The following CFAP251 variants were observed in gnomAD, a reference collection of about 807,000 sequenced individuals.
CFAP251 encodes cilia and flagella associated protein 251, also known as cilia- and flagella-associated protein 251.
In CFAP251, 93 loss-of-function variants were observed where a neutral mutation model predicts 126.7. That is an observed-to-expected ratio of 0.73 (90% CI 0.62 to 0.87). The LOEUF (loss-of-function observed/expected upper bound fraction) is 0.87, where lower values mean the gene tolerates loss of function less well. CFAP251 is among the 40% of genes least tolerant of loss of function. The probability of loss-of-function intolerance (pLI) is 0.00; values close to 1 mark genes in which losing one functional copy is unlikely to be tolerated. For missense variants in CFAP251, 1,287 were observed against 1,389.2 expected, an observed-to-expected ratio of 0.93 and a Z score of 1.17; for synonymous variants, 503 against 506.9, an observed-to-expected ratio of 0.99 and a Z score of 0.10.
At chr12:121,947,111 T>G (rs1241311295) in intron 7 of CFAP251, among the ~76,000 whole-genome samples, 2 of 152,116 alleles carry the variant, frequency 1.3e-5, no homozygotes, top group Non-Finnish European at 2.9e-5. Context: ...CCCACTGGTC[T>G]TTTATTTTCT....
intron 19 of CFAP251, among the ~76,000 whole-genome samples, chr12:121,993,759 C>G (rs1306395117): frequency 6.7e-6 from 1 of 150,092 alleles, no homozygotes; most frequent in Non-Finnish European, 1.5e-5. Flanking sequence ...AGTGAGGAGC[C>G]CCTCTGCCCG....
chr12:121,985,554 A>AT (rs1565922809), intron 19 of CFAP251, among the ~76,000 whole-genome samples: 1 of 148,156 alleles, frequency 6.7e-6, no homozygotes, highest in African/African-American at 2.5e-5. Context: ...AAAAAAAAAA[A>AT]GGGAGTGTAT....
intron 19 of CFAP251, among the ~76,000 whole-genome samples, chr12:121,988,140 AT>A (rs1882794400): frequency 6.6e-6 from 1 of 152,024 alleles, no homozygotes; most frequent in Non-Finnish European, 1.5e-5. Context: ...TATTTCAAAA[AT>A]ATTAAATTAA....
In CFAP251 at chr12:121,960,703, T is replaced by A. The variant is rs769197423; in HGVS notation, c.2252T>A (p.Val751Asp). The A allele has an allele frequency of 4.0e-5, 64 of 1,613,780 alleles. No individual in the cohort carries two copies. The highest frequency in any genetic ancestry group is 5.3e-5 in the Non-Finnish European group (63 of 1,179,908). ...AGCATTCGAAGTCTCCTGTTTGGGGTTTACCTGGACAGCAATGAGCCTAGA... is the reference window on the plus strand; with the variant it reads ...AGCATTCGAAGTCTCCTGTTTGGGGATTACCTGGACAGCAATGAGCCTAGA... ...RKSIRSLLFG[V>D]YLDSNEPRLL... Residue 751 changes from valine to aspartate, a missense_variant, in exon 14 of 22, where the codon GTT becomes GAT. Coordinates refer to ENST00000288912, the MANE Select transcript of CFAP251 (RefSeq NM_144668.6).
Position 121,923,800 on chromosome 12 carries a change from C to A in CFAP251, c.557C>A (p.Thr186Asn). Reference sequence around the variant, plus strand: ...CCCTCAGGAGAGCTTGAGGAGAAAACCGACCGGATGCCCCAAGATGAACTG... The same window carrying A: ...CCCTCAGGAGAGCTTGAGGAGAAAAACGACCGGATGCCCCAAGATGAACTG... The part of the protein sequence containing the change: ...RQPSGELEEK[T>N]DRMPQDELGQ... The change falls in exon 3 of 22, where the codon ACC (threonine) becomes AAC (asparagine). Residue 186 changes from threonine to asparagine, a missense_variant. Coordinates refer to ENST00000288912, the MANE Select transcript of CFAP251 (RefSeq NM_144668.6). 3 of 1,614,040 alleles carry A rather than the reference C, an allele frequency of 1.9e-6. No individual in the cohort carries two copies. Among genetic ancestry groups the A allele is most frequent in the Non-Finnish European group, 2.5e-6 (3 of 1,180,026 alleles).
intron 19 of CFAP251, among the ~76,000 whole-genome samples, chr12:121,996,003 A>T (rs1883014315): frequency 6.6e-6 from 1 of 152,136 alleles, no homozygotes; most frequent in South Asian, 2.1e-4. Context: ...AGAGATTTTT[A>T]TTTTTTTCTT....
chr12:121,923,638 G>A lies in CFAP251; in HGVS notation c.395G>A (p.Ser132Asn). 2 of 1,607,214 alleles carry A rather than the reference G, an allele frequency of 1.2e-6. No individual in the cohort carries two copies. The highest frequency in any genetic ancestry group is 1.7e-6 in the Non-Finnish European group (2 of 1,177,772). ...SGIFPKTQRG[S>N]KSKLSLQLED... ...TTTTTAAAGAAAACCCAAAGAGGTAGCAAGTCAAAGCTTTCCTTACAATTG... is the reference window on the plus strand; with the variant it reads ...TTTTTAAAGAAAACCCAAAGAGGTAACAAGTCAAAGCTTTCCTTACAATTG... Residue 132 changes from serine (S) to asparagine (N), a missense_variant, in exon 3 of 22, where the codon AGC becomes AAC. Coordinates refer to ENST00000288912, the MANE Select transcript of CFAP251 (RefSeq NM_144668.6).
chr12:121,999,698 T>G lies in CFAP251; in HGVS notation c.3007-18T>G, dbSNP rs199917460. 56 of 1,560,380 alleles carry G rather than the reference T, an allele frequency of 3.6e-5. No homozygotes were observed. The highest frequency in any genetic ancestry group is 4.6e-5 in the Non-Finnish European group (52 of 1,142,576). On this transcript the variant is annotated intron_variant, in intron 19 of 21. Coordinates refer to ENST00000288912, the MANE Select transcript of CFAP251 (RefSeq NM_144668.6). ...TCTATTTACTGTGGTCTTTTTTTTT[T>G]CCCCATCTTTCCCCTAGATTGATGA...
chr12:121,942,789 C>A, intron 6 of CFAP251, 106 bp from the exon 7 acceptor site: 1 of 1,346,290 alleles, frequency 7.4e-7, no homozygotes, highest in Non-Finnish European at 1.1e-6. Flanking sequence ...GAGTCTGGGC[C>A]TCTGTCCTTA....
chr12:121,959,647 G>A (rs1215171548), intron 13 of CFAP251: 1 of 152,196 alleles, frequency 6.6e-6, no homozygotes, highest in Non-Finnish European at 1.5e-5. Context: ...AAAACACATA[G>A]CTTTTTTATT....
At chr12:121,930,844 G>T (rs906621065) in intron 3 of CFAP251, among the ~76,000 whole-genome samples, 3 of 150,838 alleles carry the variant, frequency 2.0e-5, no homozygotes, top group Admixed American at 6.6e-5. Flanking sequence ...CGCCTCCCAG[G>T]TTCAAGTGAT....
At chr12:121,969,937 A>G (rs765751289) in intron 17 of CFAP251, 141 of 985,344 alleles carry the variant, frequency 1.4e-4, no homozygotes, top group Non-Finnish European at 1.5e-4. Context: ...GGTGGGGACA[A>G]AGGATCATTA....
At chr12:121,959,202 C>A in intron 13 of CFAP251, 108 bp downstream of exon 13, 1 of 1,186,838 alleles carries the variant, frequency 8.4e-7, no homozygotes, top group Non-Finnish European at 1.2e-6. Flanking sequence ...TTTGGGAGGC[C>A]GAGGTGGGAG....
chr12:121,957,575 G>A (rs752989588), intron 11 of CFAP251, among the ~76,000 whole-genome samples: 13 of 152,024 alleles, frequency 8.6e-5, no homozygotes, highest in Non-Finnish European at 1.2e-4. Flanking sequence ...GTGGTGACGG[G>A]TGCCTGTAGT....
intron 8 of CFAP251, chr12:121,950,360 A>T (rs1881476976): frequency 6.6e-6 from 1 of 152,194 alleles, no homozygotes; most frequent in South Asian, 2.1e-4. Flanking sequence ...TTTTGGGGTT[A>T]TGAAAATGTC....
chr12:121,976,176 T>C (rs1262079321), intron 19 of CFAP251, among the ~76,000 whole-genome samples: 1 of 151,922 alleles, frequency 6.6e-6, no homozygotes, highest in Non-Finnish European at 1.5e-5. Flanking sequence ...GCCCCGCTAA[T>C]TTTTGTATTT....
chr12:121,954,663 A>AAAAAAC (rs1565911549), intron 10 of CFAP251, among the ~76,000 whole-genome samples: 10 of 147,348 alleles, frequency 6.8e-5, no homozygotes, highest in Non-Finnish European at 1.5e-4. Context: ...AAAAAAAAAA[A>AAAAAAC]AAAAACCTCT....
intron 13 of CFAP251, among the ~76,000 whole-genome samples, chr12:121,959,950 A>C (rs853759): frequency 0.88 from 132,980 of 151,556 alleles, 58,488 homozygotes; most frequent in African/African-American, 0.94. Flanking sequence ...ATGGTGAGAC[A>C]CCCCCCATCT....
chr12:121,967,766 A>G (rs780241546), intron 16 of CFAP251, among the ~76,000 whole-genome samples: 3 of 152,240 alleles, frequency 2.0e-5, no homozygotes, highest in Admixed American at 1.3e-4. Flanking sequence ...ACAACTGACC[A>G]TGAAGGCAGG....
Sources: gnomAD v4.1 joint callset for allele counts (sites outside exome capture counted in the v4.1 genomes callset) on GRCh38, gnomAD v4.1.1 for gene constraint, MANE v1.5 for transcripts, NCBI Gene and HGNC (gene_info 2026-07-23, HGNC 2026-07-21) for gene names.